Variants in PBX4 observed in about 807,000 individuals in gnomAD.
PBX4 encodes the protein PBX homeobox 4.
A neutral mutation model predicts 35.1 loss-of-function variants in PBX4; 26 were observed. That is an observed-to-expected ratio of 0.74 (90% CI 0.54 to 1.03). PBX4 has a LOEUF of 1.03. Ranked by LOEUF, PBX4 falls within the 50% of genes least tolerant of loss-of-function variation. The pLI is 0.00. For missense variants in PBX4, 448 were observed against 504.3 expected (o/e 0.89, Z 1.07); for synonymous variants, 199 against 204.2 (o/e 0.97, Z 0.22).
chr19:19,613,635 G>C (rs771386418), intron 1 of PBX4, among the ~76,000 whole-genome samples: 1 of 152,070 alleles, frequency 6.6e-6, no homozygotes, highest in South Asian at 2.1e-4. Flanking sequence ...TCCCGGTCTG[G>C]AAAGTACAAA....
chr19:19,583,105 G>A (rs1344432414), intron 2 of PBX4, among the ~76,000 whole-genome samples: 1 of 150,152 alleles, frequency 6.7e-6, no homozygotes, highest in Non-Finnish European at 1.5e-5. Flanking sequence ...ATCACCTGAG[G>A]TCAGGAGTTC....
intron 2 of PBX4, among the ~76,000 whole-genome samples, chr19:19,578,461 T>G (rs1276746537): frequency 1.3e-5 from 2 of 152,124 alleles, no homozygotes; most frequent in African/African-American, 4.8e-5. Context: ...CGGTGACTGT[T>G]CCAGAGCTTC....
Position 19,593,956 on chromosome 19 carries a change from T to TC in PBX4, c.193+5335dup, listed in dbSNP as rs199656620. ...ACCTGGGCAACATACTAAGACCTCA[T>TC]CCCCCCAAAAATAGTCCTCAGCGAC... is the stretch of plus-strand genomic sequence containing the variant. On this transcript the variant is annotated intron_variant, in intron 2 of 7. Coordinates refer to ENST00000251203, the MANE Select transcript of PBX4 (RefSeq NM_025245.3). 6.8e-4 allele frequency among the ~76,000 whole-genome samples: 102 copies of TC among 150,122 alleles called. No homozygotes were observed. The East Asian group carries it at 0.02, about 29-fold the overall frequency.
At position 19,563,532 on chromosome 19, in the gene PBX4, C is replaced by A; in HGVS notation, c.1009G>T (p.Gly337Trp). 1 of 1,550,430 alleles carries A rather than the reference C, an allele frequency of 6.4e-7. No individual in the cohort carries two copies. Among genetic ancestry groups the A allele is most frequent in the Non-Finnish European group, 8.7e-7 (1 of 1,146,896 alleles). Residue 337 changes from glycine (G) to tryptophan (W), a missense_variant, in exon 7 of 8, where the codon GGG (glycine) becomes TGG (tryptophan). Gly to Trp is a radical substitution (Grantham distance 184, BLOSUM62 -2). Transcript: ENST00000251203. This position sits in a 1 kb window ranked among gnomAD's most constrained non-coding sequence, Gnocchi z 5.1. ...RTLASLQPPP[G>W]GGCLQSQAQG... is the part of the protein sequence containing the mutation. Reference sequence around the variant, plus strand: ...ACCTGGGACTGCAGGCAGCCTCCCCCAGGAGGAGGCTGGAGAGAGGCCAGA... The same window carrying A: ...ACCTGGGACTGCAGGCAGCCTCCCCAAGGAGGAGGCTGGAGAGAGGCCAGA...
chr19:19,617,323 T>G (rs184645621), intron 1 of PBX4, among the ~76,000 whole-genome samples: 6 of 152,196 alleles, frequency 3.9e-5, no homozygotes, highest in Admixed American at 3.9e-4. Flanking sequence ...CTTTTTTGCT[T>G]TTGTTTGAGA....
At chr19:19,570,905 C>T in intron 2 of PBX4, 72 bp from the exon 3 acceptor site, 2 of 1,573,188 alleles carry the variant, frequency 1.3e-6, no homozygotes, top group Non-Finnish European at 1.7e-6. Flanking sequence ...AAAATGTGAG[C>T]ACTGGTGTTA....
intron 1 of PBX4, among the ~76,000 whole-genome samples, chr19:19,613,519 A>G (rs555757441): frequency 6.6e-6 from 1 of 151,842 alleles, no homozygotes; most frequent in South Asian, 2.1e-4. Flanking sequence ...GTCTAGGGAA[A>G]CTAGAATCTC....
chr19:19,570,496 C>T (rs932136213), intron 3 of PBX4, 90 bp downstream of exon 3: 13 of 1,553,082 alleles, frequency 8.4e-6, no homozygotes, highest in African/African-American at 2.7e-5. Flanking sequence ...CCCTGTTCTG[C>T]GCCACGAAAG....
chr19:19,581,120 C>T (rs555064934), intron 2 of PBX4, among the ~76,000 whole-genome samples: 2 of 152,328 alleles, frequency 1.3e-5, no homozygotes, highest in South Asian at 4.1e-4. Context: ...ACAGCGAGGC[C>T]AGCACAGACA....
chr19:19,618,501 CG>C lies in PBX4; in HGVS notation c.119+9del. On this transcript the variant is annotated intron_variant, in intron 1 of 7. Transcript: ENST00000251203. The stretch of plus-strand genomic sequence containing the variant: ...CCCTGCGTGGCCCCTGCCGAGCCCG[CG>C]GGCAGCACCTGGCCTGTGCCTCGTC... 6.8e-7 allele frequency: 1 copy of C among 1,471,850 alleles called. No individual in the cohort carries two copies. The highest frequency in any genetic ancestry group is 9.0e-7 in the Non-Finnish European group (1 of 1,106,748). The allele number at this position is 1,471,850 out of a possible 1,614,324, so 91.2% of individuals were successfully genotyped here.
At chr19:19,564,748 A>G (rs534694006) in intron 6 of PBX4, 185 bp downstream of exon 6, 4 of 710,532 alleles carry the variant, frequency 5.6e-6, no homozygotes, top group African/African-American at 1.8e-5. Flanking sequence ...CCCAAAGCAC[A>G]GGTATCTGTT....
At chr19:19,565,110 C>T (rs1487640182) in intron 5 of PBX4, 21 bp from the exon 6 acceptor site, 1 of 1,613,786 alleles carries the variant, frequency 6.2e-7, no homozygotes, top group Non-Finnish European at 8.5e-7. Flanking sequence ...ACAGGAGTCA[C>T]TGGAGGAGCT....
chr19:19,583,437 C>T (rs1291984522), intron 2 of PBX4, among the ~76,000 whole-genome samples: 2 of 151,618 alleles, frequency 1.3e-5, no homozygotes, highest in Non-Finnish European at 2.9e-5. Context: ...ATAGCAAGAC[C>T]CCATCTCTAC....
chr19:19,583,084 G>A (rs561430030), intron 2 of PBX4, among the ~76,000 whole-genome samples: 1 of 152,200 alleles, frequency 6.6e-6, no homozygotes, highest in Non-Finnish European at 1.5e-5. Context: ...TTGGGAGGCT[G>A]AGGTAGGTGG....
rs751507311 is a variant in PBX4, at chr19:19,613,341, G to A, written c.119+5170C>T. ...AAATTAGCCGGGCGTGGTGGCAGGC[G>A]CCTGTAATCTTAGCTACTCGGGAGG... On this transcript the variant is annotated intron_variant, in intron 1 of 7. Transcript: ENST00000251203. Among the ~76,000 whole-genome samples the A allele has an allele frequency of 3.3e-5, 5 of 150,708 alleles. No individual in the cohort carries two copies. In the East Asian group the frequency reaches 5.9e-4, roughly 18 times the overall value.
At chr19:19,578,732 C>T (rs1053584869) in intron 2 of PBX4, among the ~76,000 whole-genome samples, 3 of 152,162 alleles carry the variant, frequency 2.0e-5, no homozygotes, top group African/African-American at 7.2e-5. Context: ...TATGGCAATG[C>T]TGTGAGCCGA....
At chr19:19,572,363 G>A (rs1438032800) in intron 2 of PBX4, among the ~76,000 whole-genome samples, 1 of 151,648 alleles carries the variant, frequency 6.6e-6, no homozygotes, top group Admixed American at 6.6e-5. Context: ...ATGACCCACC[G>A]TACCGGGCCA....
intron 1 of PBX4, among the ~76,000 whole-genome samples, chr19:19,601,001 C>T (rs2061594164): frequency 6.6e-6 from 1 of 152,106 alleles, no homozygotes; most frequent in Non-Finnish European, 1.5e-5. Context: ...GTGCCACACA[C>T]CATTCTGGCA....
At chr19:19,604,179 C>T (rs921835864) in intron 1 of PBX4, among the ~76,000 whole-genome samples, 8 of 152,128 alleles carry the variant, frequency 5.3e-5, no homozygotes, top group African/African-American at 1.9e-4. Context: ...ATTTGATTAA[C>T]ACCATGAGAG....
Sources: allele counts gnomAD v4.1 joint callset (sites outside exome capture counted in the v4.1 genomes callset), GRCh38; gene constraint gnomAD v4.1.1; non-coding constraint Gnocchi (gnomAD v3.1); transcripts MANE v1.5; gene names NCBI Gene and HGNC (gene_info 2026-07-23, HGNC 2026-07-21).